Variants in DTNB observed in about 807,000 individuals in gnomAD.
DTNB encodes the protein DTN-B.
DTNB carries 63 observed loss-of-function variants against 90.7 expected under a neutral mutation model. That is an observed-to-expected ratio of 0.69 (90% CI 0.57 to 0.86). The LOEUF (loss-of-function observed/expected upper bound fraction) is 0.86, where lower values mean the gene tolerates loss of function less well. Ranked by LOEUF, DTNB falls within the 40% of genes least tolerant of loss-of-function variation. The pLI is 0.00. For synonymous variants in DTNB, 277 were observed against 286.7 expected, an observed-to-expected ratio of 0.97 and a Z score of 0.34; for missense variants, 744 against 807.1, an observed-to-expected ratio of 0.92 and a Z score of 0.95.
chr2:25,434,019 A>AT, intron 12 of DTNB, 24 bp from the exon 13 acceptor site: 1 of 1,578,814 alleles, frequency 6.3e-7, no homozygotes, highest in Non-Finnish European at 8.5e-7. Flanking sequence ...GTCGGGAGAA[A>AT]GTTTTTTTTT....
chr2:25,482,334 A>C (rs762921369), intron 10 of DTNB, among the ~76,000 whole-genome samples: 6 of 152,184 alleles, frequency 3.9e-5, no homozygotes, highest in Admixed American at 2.6e-4. Flanking sequence ...TTCCAACTTA[A>C]ATGTTTATAA....
intron 9 of DTNB, among the ~76,000 whole-genome samples, chr2:25,501,641 G>A (rs1246715916): frequency 6.6e-6 from 1 of 152,084 alleles, no homozygotes; most frequent in Non-Finnish European, 1.5e-5. Flanking sequence ...CCAAAGTGCT[G>A]GGATTACAGG....
intron 4 of DTNB, among the ~76,000 whole-genome samples, chr2:25,625,963 C>T (rs2074063828): frequency 1.3e-5 from 2 of 151,986 alleles, no homozygotes; most frequent in South Asian, 4.2e-4. Flanking sequence ...GTGAGGATAC[C>T]ACAAAAAGGT....
At chr2:25,588,662 C>T (rs1030792186) in intron 6 of DTNB, among the ~76,000 whole-genome samples, 4 of 152,154 alleles carry the variant, frequency 2.6e-5, no homozygotes, top group African/African-American at 9.7e-5. Context: ...TGTGCCTGGC[C>T]TCTGAGGACA....
At chr2:25,416,538 C>T (rs1017888335) in intron 16 of DTNB, among the ~76,000 whole-genome samples, 1 of 151,940 alleles carries the variant, frequency 6.6e-6, no homozygotes, top group East Asian at 1.9e-4. Flanking sequence ...CCAGTGTGGG[C>T]GCCTGTAATA....
intron 3 of DTNB, among the ~76,000 whole-genome samples, chr2:25,636,112 C>G (rs2077074452): frequency 6.6e-6 from 1 of 151,814 alleles, no homozygotes; most frequent in African/African-American, 2.4e-5. Flanking sequence ...GTGACCCTTT[C>G]AATAAAAAGT....
At chr2:25,482,135 A>G (rs1018880775) in intron 10 of DTNB, among the ~76,000 whole-genome samples, 1 of 152,154 alleles carries the variant, frequency 6.6e-6, no homozygotes, top group East Asian at 1.9e-4. Flanking sequence ...GAGTTTTTGC[A>G]TTGCTCTGGG....
intron 10 of DTNB, among the ~76,000 whole-genome samples, chr2:25,469,603 G>A (rs1028078597): frequency 3.9e-5 from 6 of 152,042 alleles, no homozygotes; most frequent in Admixed American, 1.3e-4. Flanking sequence ...TTACCACCAC[G>A]CCCAGCTGAT....
chr2:25,604,113 CAG>C (rs1469157609), intron 5 of DTNB, among the ~76,000 whole-genome samples: 1 of 152,118 alleles, frequency 6.6e-6, no homozygotes, highest in African/African-American at 2.4e-5. Context: ...GAGAGATTTC[CAG>C]AGAGTGGAGC....
At chr2:25,540,751 T>G (rs948951219) in intron 8 of DTNB, among the ~76,000 whole-genome samples, 12 of 152,160 alleles carry the variant, frequency 7.9e-5, no homozygotes, top group African/African-American at 2.4e-4. Flanking sequence ...CCCCCAACCC[T>G]GTGCTCTCTG....
intron 9 of DTNB, among the ~76,000 whole-genome samples, chr2:25,483,815 T>C (rs878915781): frequency 6.6e-6 from 1 of 152,234 alleles, no homozygotes; most frequent in South Asian, 2.1e-4. Flanking sequence ...CACTTCCTCT[T>C]TTAAACTGGA....
At chr2:25,437,300 C>T (rs1013483620) in intron 12 of DTNB, among the ~76,000 whole-genome samples, 1 of 150,912 alleles carries the variant, frequency 6.6e-6, no homozygotes, top group African/African-American at 2.4e-5. Context: ...CTTGCTGTGT[C>T]GCCCAAGCTG....
rs551812209 is a variant in DTNB at position 25,464,360 on chromosome 2, G to T, written c.1080-8866C>A. On this transcript the variant is annotated intron_variant, in intron 10 of 20. Transcript: ENST00000406818. ...GTAAGTGCTTAAAAAACAAAAGGCAGCATGTCAAAGGGACACAGGACCCAA... is the reference window on the plus strand; with the variant it reads ...GTAAGTGCTTAAAAAACAAAAGGCATCATGTCAAAGGGACACAGGACCCAA... 1.4e-4 allele frequency among the ~76,000 whole-genome samples: 22 copies of T among 152,332 alleles called. No homozygotes were observed. In the South Asian group the frequency reaches 4.1e-3, roughly 29 times the overall value.
intron 12 of DTNB, among the ~76,000 whole-genome samples, chr2:25,446,732 T>G (rs1182606562): frequency 6.6e-6 from 1 of 152,246 alleles, no homozygotes; most frequent in East Asian, 1.9e-4. Context: ...TTATTTTTAT[T>G]TATGTATCTG....
intron 2 of DTNB, among the ~76,000 whole-genome samples, chr2:25,643,244 C>T (rs1257308659): frequency 3.3e-5 from 5 of 152,156 alleles, no homozygotes; most frequent in Non-Finnish European, 7.3e-5. Flanking sequence ...TGCTACCGCC[C>T]CAGCCCTTCC....
intron 4 of DTNB, among the ~76,000 whole-genome samples, chr2:25,620,125 A>T (rs1389531461): frequency 4.6e-5 from 7 of 152,192 alleles, no homozygotes; most frequent in Admixed American, 4.6e-4. Flanking sequence ...GGGTAATCCC[A>T]GACAGATGTG....
chr2:25,559,640 G>C (rs993397935), intron 8 of DTNB, among the ~76,000 whole-genome samples: 3 of 152,150 alleles, frequency 2.0e-5, no homozygotes, highest in Non-Finnish European at 4.4e-5. Flanking sequence ...CCCCCCAAAA[G>C]ATATGTCCAC....
At chr2:25,595,187 T>C (rs2064332611) in intron 6 of DTNB, 1 of 152,206 alleles carries the variant, frequency 6.6e-6, no homozygotes, top group African/African-American at 2.4e-5. Context: ...TCTCAATGCG[T>C]CCTATCAGGA....
At chr2:25,574,608 A>G (rs2060382168) in intron 8 of DTNB, among the ~76,000 whole-genome samples, 1 of 152,230 alleles carries the variant, frequency 6.6e-6, no homozygotes, top group Non-Finnish European at 1.5e-5. Flanking sequence ...TAGTATAAAC[A>G]CAGCCGACAA....
Sources: gnomAD v4.1 joint callset for allele counts (sites outside exome capture counted in the v4.1 genomes callset) on GRCh38, gnomAD v4.1.1 for gene constraint, MANE v1.5 for transcripts, NCBI Gene and HGNC (gene_info 2026-07-23, HGNC 2026-07-21) for gene names.